The following AGBL1 variants were observed in gnomAD, a reference collection of about 807,000 sequenced individuals.
AGBL1 encodes the protein cytosolic carboxypeptidase 4.
Under a neutral mutation model 118.9 loss-of-function variants are expected in AGBL1, and 130 were observed. The ratio of observed to expected loss-of-function variants is 1.09; its 90% CI spans 0.95 to 1.26. AGBL1 has a LOEUF of 1.26. AGBL1 is among the 50% of genes most tolerant of loss of function. The probability of loss-of-function intolerance (pLI) is 0.00; values close to 1 mark genes in which losing one functional copy is unlikely to be tolerated. For synonymous variants in AGBL1, 555 were observed against 478.9 expected (o/e 1.16, Z -2.08); for missense variants, 1,584 against 1,298.1 (o/e 1.22, Z -3.38).
At chr15:86,204,380 G>T (rs994468376) in intron 5 of AGBL1, among the ~76,000 whole-genome samples, 4 of 152,082 alleles carry the variant, frequency 2.6e-5, no homozygotes, top group African/African-American at 9.7e-5. Flanking sequence ...GAAGATACTG[G>T]GATTTCCCAT....
intron 5 of AGBL1, among the ~76,000 whole-genome samples, chr15:86,177,632 A>G (rs2077498756): frequency 6.6e-6 from 1 of 152,252 alleles, no homozygotes; most frequent in African/African-American, 2.4e-5. Context: ...TATCAACAAC[A>G]GAAAGGTTTC....
At chr15:86,731,450 T>C (rs1296047851) in intron 22 of AGBL1, among the ~76,000 whole-genome samples, 1 of 152,216 alleles carries the variant, frequency 6.6e-6, no homozygotes, top group African/African-American at 2.4e-5. Flanking sequence ...CTGCTTTTTA[T>C]ATTGTCACCA....
chr15:86,356,543 T>C (rs2080724210), intron 17 of AGBL1, among the ~76,000 whole-genome samples: 2 of 152,022 alleles, frequency 1.3e-5, no homozygotes, highest in South Asian at 4.2e-4. Flanking sequence ...AGCTTGCTGG[T>C]CTTAGGCTAG....
intron 22 of AGBL1, among the ~76,000 whole-genome samples, chr15:86,719,899 T>G (rs1296211419): frequency 1.3e-5 from 2 of 152,178 alleles, no homozygotes; most frequent in Non-Finnish European, 2.9e-5. Context: ...AGTGCTCTCT[T>G]GGTTTCTGTG....
chr15:86,549,493 G>T (rs1223503770), intron 20 of AGBL1, among the ~76,000 whole-genome samples: 1 of 151,966 alleles, frequency 6.6e-6, no homozygotes, highest in East Asian at 1.9e-4. Flanking sequence ...ATATTCTGCA[G>T]ATTAATCCAG....
chr15:86,835,714 C>T (rs534890648), intron 22 of AGBL1, among the ~76,000 whole-genome samples: 4 of 152,054 alleles, frequency 2.6e-5, no homozygotes, highest in Non-Finnish European at 1.5e-5. Flanking sequence ...AGGGTCTGAG[C>T]TGAAAGTTTA....
upstream of AGBL1, chr15:86,079,777 T>C: frequency 5.2e-6 from 2 of 385,840 alleles, no homozygotes; most frequent in Middle Eastern, 6.6e-4. Flanking sequence ...ATCCCCACAG[T>C]GGGAGTCGGT....
At chr15:86,570,447 T>C (rs1297159080) in intron 21 of AGBL1, among the ~76,000 whole-genome samples, 2 of 152,204 alleles carry the variant, frequency 1.3e-5, no homozygotes, top group Non-Finnish European at 2.9e-5. Flanking sequence ...GCTACCTTTA[T>C]GGGTTTTTCT....
intron 17 of AGBL1, among the ~76,000 whole-genome samples, chr15:86,393,926 C>T (rs2081325442): frequency 6.6e-6 from 1 of 152,092 alleles, no homozygotes; most frequent in Non-Finnish European, 1.5e-5. Flanking sequence ...GTCCCTTCCA[C>T]ATGTGAAGAC....
intron 22 of AGBL1, among the ~76,000 whole-genome samples, chr15:86,818,095 C>A (rs186890372): frequency 6.6e-6 from 1 of 150,976 alleles, no homozygotes; most frequent in Non-Finnish European, 1.5e-5. Context: ...TTTGTGTGTG[C>A]GTGTGCGTGT....
At chr15:86,971,803 T>A (rs993429016) in intron 23 of AGBL1, among the ~76,000 whole-genome samples, 4 of 151,938 alleles carry the variant, frequency 2.6e-5, no homozygotes, top group Admixed American at 2.6e-4. Flanking sequence ...ATAATCCCCA[T>A]AATCCCCCTG....
intron 24 of AGBL1, among the ~76,000 whole-genome samples, chr15:87,020,548 G>C (rs896467637): frequency 1.3e-5 from 2 of 151,780 alleles, no homozygotes; most frequent in Non-Finnish European, 2.9e-5. Flanking sequence ...AATAAGAAGA[G>C]AGGAAATCAA....
chr15:86,080,245 G>A (rs1038622404), intron 1 of AGBL1: 8 of 379,306 alleles, frequency 2.1e-5, no homozygotes, highest in Non-Finnish European at 3.3e-5. Context: ...TTAAATTATT[G>A]ATCCTCGTGG....
chr15:86,160,484 G>A (rs1346980439), intron 5 of AGBL1, among the ~76,000 whole-genome samples: 1 of 152,154 alleles, frequency 6.6e-6, no homozygotes, highest in Non-Finnish European at 1.5e-5. Flanking sequence ...GTGCTGGGGT[G>A]TTGATGGAAA....
chr15:86,838,681 T>C (rs2079201415), intron 22 of AGBL1, among the ~76,000 whole-genome samples: 1 of 151,924 alleles, frequency 6.6e-6, no homozygotes, highest in Non-Finnish European at 1.5e-5. Flanking sequence ...AGCTCATGCC[T>C]GTAATCCCAG....
chr15:87,006,889 C>G (rs2081510543), intron 24 of AGBL1, among the ~76,000 whole-genome samples: 1 of 152,138 alleles, frequency 6.6e-6, no homozygotes, highest in Non-Finnish European at 1.5e-5. Context: ...AGTAAAGGAT[C>G]TGACATGGGT....
chr15:86,745,468 A>C (rs1338883159), intron 22 of AGBL1, among the ~76,000 whole-genome samples: 1 of 152,020 alleles, frequency 6.6e-6, no homozygotes, highest in Non-Finnish European at 1.5e-5. Context: ...TGGTCTAAAA[A>C]GGAGGTGCAG....
rs551019154 is a variant in AGBL1, at chr15:86,956,695, G to A, written c.3222-31292G>A. Among the ~76,000 whole-genome samples, 231 of 152,226 alleles carry A rather than the reference G, an allele frequency of 1.5e-3. 3 individuals carry two copies. Among genetic ancestry groups the A allele is most frequent in the African/African-American group, 5.1e-3 (211 of 41,558 alleles). On this transcript the variant is annotated intron_variant, in intron 23 of 24. Coordinates refer to the AGBL1 transcript ENST00000441037. The stretch of plus-strand genomic sequence containing the variant: ...TAGTTTTGCAGCAACATCAAGGCTA[G>A]TATTTGACCAAACAATTGGTCACCA...
chr15:86,260,457 A>T (rs1597640553), intron 9 of AGBL1, among the ~76,000 whole-genome samples: 1 of 152,250 alleles, frequency 6.6e-6, no homozygotes. Context: ...ATACACAAGC[A>T]TTAGATTCTG....
Sources: allele counts gnomAD v4.1 joint callset (sites outside exome capture counted in the v4.1 genomes callset), GRCh38; gene constraint gnomAD v4.1.1; transcripts MANE v1.5; gene names NCBI Gene and HGNC (gene_info 2026-07-23, HGNC 2026-07-21).